SRP54: variants seen among roughly 807,000 people sequenced by gnomAD.
The protein encoded by SRP54 is signal recognition particle 54.
A neutral mutation model predicts 64.8 loss-of-function variants in SRP54; 10 were observed. That is an observed-to-expected ratio of 0.15 (90% CI 0.10 to 0.26). The LOEUF is 0.26. Ranked by LOEUF, SRP54 falls within the 10% of genes least tolerant of loss-of-function variation. The pLI, the probability that SRP54 is intolerant of heterozygous loss-of-function variation, is 1.00. For missense variants in SRP54, 325 were observed against 613.7 expected, an observed-to-expected ratio of 0.53 and a Z score of 4.97; for synonymous variants, 193 against 185.6, an observed-to-expected ratio of 1.04 and a Z score of -0.32.
intron 1 of SRP54, among the ~76,000 whole-genome samples, chr14:34,985,919 T>A (rs1270670713): frequency 1.3e-5 from 2 of 152,198 alleles, no homozygotes; most frequent in Non-Finnish European, 2.9e-5. Context: ...ATGCCTCTTA[T>A]CCCTCCTTTT....
chr14:34,997,532 T>G (rs1253464965), intron 2 of SRP54, among the ~76,000 whole-genome samples: 3 of 152,194 alleles, frequency 2.0e-5, no homozygotes, highest in Non-Finnish European at 4.4e-5. Context: ...AACCTTAGAT[T>G]CCTTAGTGTA....
chr14:35,009,585 T>C (rs946254601), intron 7 of SRP54, among the ~76,000 whole-genome samples: 1 of 152,106 alleles, frequency 6.6e-6, no homozygotes, highest in Non-Finnish European at 1.5e-5. Context: ...GATTAAACTT[T>C]TATGGAAGAG....
At chr14:35,016,848 TTTTTTTTTTTTTC>T (rs1566653940) in intron 11 of SRP54, among the ~76,000 whole-genome samples, 1 of 140,776 alleles carries the variant, frequency 7.1e-6, no homozygotes, top group Non-Finnish European at 1.6e-5. Context: ...TTCTTTTCTT[TTTTTTTTTTTTTC>T]TTCTTTTTTT....
intron 14 of SRP54, among the ~76,000 whole-genome samples, chr14:35,026,818 C>T (rs138044567): frequency 0.022 from 3,296 of 152,140 alleles, 42 homozygotes; most frequent in South Asian, 0.035. Context: ...TGGCTCATGC[C>T]TGTAATCCCA....
At chr14:35,002,266 A>G (rs893777304) in intron 4 of SRP54, among the ~76,000 whole-genome samples, 57 of 151,912 alleles carry the variant, frequency 3.8e-4, no homozygotes, top group African/African-American at 1.4e-3. Flanking sequence ...AGGCAGGAGT[A>G]TTGCTTGAGC....
chr14:35,029,448 T>G lies in SRP54; in HGVS notation c.*296T>G. The G allele has an allele frequency of 4.1e-6, 1 of 246,556 alleles. No homozygotes were observed. Among genetic ancestry groups the G allele is most frequent in the Non-Finnish European group, 7.8e-6 (1 of 127,730 alleles). 15.3% of individuals were successfully genotyped at this position (246,556 alleles called of 1,614,324 possible). A position where few individuals can be genotyped will look rare whatever the true frequency, so the allele number is the denominator to read the frequency against. On this transcript the variant is annotated 3_prime_UTR_variant, in exon 16 of 16. Transcript: ENST00000216774. The stretch of plus-strand genomic sequence containing the variant: ...AAATCATGATGTAAAATTTTAGTAC[T>G]TAAAGGTTTTTAATTATCTCGAAGG...
intron 1 of SRP54, among the ~76,000 whole-genome samples, chr14:34,995,551 A>G (rs2044059200): frequency 6.6e-6 from 1 of 152,180 alleles, no homozygotes; most frequent in Admixed American, 6.5e-5. Context: ...GGCAGGGACT[A>G]CAAATCATAT....
rs146817837 is a variant in SRP54 at position 34,985,537 on chromosome 14, A to G, written c.-34+2322A>G. The stretch of plus-strand genomic sequence containing the variant: ...TAGTTCAAGGCCACATCTTGTCTCA[A>G]CTAGCCTTATGGAGTATGGGTAGTG... On this transcript the variant is annotated intron_variant, in intron 1 of 15. Coordinates refer to ENST00000216774, the MANE Select transcript of SRP54 (RefSeq NM_003136.4). Among the ~76,000 whole-genome samples the G allele has an allele frequency of 2.2e-3, 332 of 152,292 alleles. 1 individual carries two copies. Among genetic ancestry groups the G allele is most frequent in the African/African-American group, 7.3e-3 (302 of 41,566 alleles).
At chr14:34,996,262 G>T (rs1327228938) in intron 1 of SRP54, among the ~76,000 whole-genome samples, 1 of 151,902 alleles carries the variant, frequency 6.6e-6, no homozygotes, top group African/African-American at 2.4e-5. Context: ...AAAATAGTTT[G>T]CAGAGTCCTT....
Position 34,996,756 on chromosome 14 carries a change from C to G in SRP54, c.47C>G (p.Ser16Trp). 6.2e-7 allele frequency: 1 copy of G among 1,613,010 alleles called. No homozygotes were observed. Among genetic ancestry groups the G allele is most frequent in the Non-Finnish European group, 8.5e-7 (1 of 1,179,166 alleles). Reference sequence around the variant, plus strand: ...AGAAAAATAACATCAGCATTACGCTCGTTGAGCAATGCCACCATTATCAAT... The same window carrying G: ...AGAAAAATAACATCAGCATTACGCTGGTTGAGCAATGCCACCATTATCAAT... ...LGRKITSALR[S>W]LSNATIINEE... The change falls in exon 2 of 16, where the codon TCG (serine) becomes TGG (tryptophan). Residue 16 changes from serine to tryptophan, a missense_variant. Coordinates refer to ENST00000216774, the MANE Select transcript of SRP54 (RefSeq NM_003136.4).
chr14:34,987,242 A>ATATAT (rs1385986595), intron 1 of SRP54, among the ~76,000 whole-genome samples: 7 of 66,244 alleles, frequency 1.1e-4, no homozygotes, highest in African/African-American at 3.1e-4. Flanking sequence ...AAAAAAAAAA[A>ATATAT]AAAAATATAT....
At chr14:35,000,755 A>C (rs944151535) in intron 3 of SRP54, among the ~76,000 whole-genome samples, 181 bp from the exon 4 acceptor site, 1 of 152,176 alleles carries the variant, frequency 6.6e-6, no homozygotes, top group Non-Finnish European at 1.5e-5. Context: ...CTAATACTTC[A>C]TGGGAAAACT....
chr14:35,018,713 T>C lies in SRP54; in HGVS notation c.995T>C (p.Met332Thr), dbSNP rs1273302039. 1 of 1,613,618 alleles carries C rather than the reference T, an allele frequency of 6.2e-7. No homozygotes were observed. Among genetic ancestry groups the C allele is most frequent in the South Asian group, 1.1e-5 (1 of 90,916 alleles). The change falls in exon 12 of 16, where the codon ATG (methionine) becomes ACG (threonine). Residue 332 changes from methionine to threonine, a missense_variant. Physicochemically the swap from Met to Thr is moderately conservative, Grantham distance 81. Transcript: ENST00000216774. ...TCAGGTCAGTTTACGTTGCGAGACATGTATGAGCAATTTCAAAATATCATG... is the reference window on the plus strand; with the variant it reads ...TCAGGTCAGTTTACGTTGCGAGACACGTATGAGCAATTTCAAAATATCATG... ...LKHGQFTLRD[M>T]YEQFQNIMKM...
chr14:35,001,129 C>T, intron 4 of SRP54, 109 bp downstream of exon 4: 1 of 344,752 alleles, frequency 2.9e-6, no homozygotes, highest in South Asian at 8.7e-5. Flanking sequence ...GAATATTCAT[C>T]TGTATTAAAA....
chr14:35,000,945 T>G lies in SRP54; in HGVS notation c.180T>G (p.Ile60Met). Residue 60 changes from isoleucine to methionine, a missense_variant, in exon 4 of 16, where the codon ATT (isoleucine) becomes ATG (methionine). Ile to Met is a conservative substitution (Grantham distance 10, BLOSUM62 1). This residue lies in a region of SRP54 where 156 missense variants were observed against 254.6 expected (regional missense o/e 0.61). Transcript: ENST00000216774. ...KQLRENVKSAIDLEEMASGLN... is the reference protein window; with the variant it reads ...KQLRENVKSAMDLEEMASGLN... Reference sequence around the variant, plus strand: ...AACCACCATCATAAAGGTCTGCTATTGATCTTGAAGAGATGGCATCTGGTC... The same window carrying G: ...AACCACCATCATAAAGGTCTGCTATGGATCTTGAAGAGATGGCATCTGGTC... 3 of 1,582,150 alleles carry G rather than the reference T, an allele frequency of 1.9e-6. No individual in the cohort carries two copies. The highest frequency in any genetic ancestry group is 1.7e-6 in the Non-Finnish European group (2 of 1,165,924).
intron 1 of SRP54, chr14:34,993,109 CT>C (rs1555353102): frequency 6.6e-6 from 1 of 152,218 alleles, no homozygotes; most frequent in Non-Finnish European, 1.5e-5. Context: ...ATCTGCCTGC[CT>C]TGGCCTCCCA....
intron 3 of SRP54, 31 bp downstream of exon 3, chr14:34,999,680 C>G (rs34028491): frequency 0.011 from 16,871 of 1,504,952 alleles, 186 homozygotes; most frequent in Non-Finnish European, 0.012. Flanking sequence ...AAAACACAGG[C>G]ACAGTTTAGT....
At position 35,018,715 on chromosome 14, in the gene SRP54, T is replaced by C. The variant is rs2044479968; in HGVS notation, c.997T>C (p.Tyr333His). 6.2e-7 allele frequency: 1 copy of C among 1,613,518 alleles called. No individual in the cohort carries two copies. Among genetic ancestry groups the C allele is most frequent in the African/African-American group, 1.3e-5 (1 of 74,920 alleles). ...KHGQFTLRDM[Y>H]EQFQNIMKMG... ...AGGTCAGTTTACGTTGCGAGACATG[T>C]ATGAGCAATTTCAAAATATCATGAA... is the stretch of plus-strand genomic sequence containing the variant. Residue 333 changes from tyrosine to histidine, a missense_variant, in exon 12 of 16, where the codon TAT becomes CAT. Tyr to His is a moderately conservative substitution (Grantham distance 83). Transcript: ENST00000216774.
In SRP54 at chr14:35,023,070, A is replaced by G. The variant is rs1166626230; in HGVS notation, c.1317A>G (p.Gly439=). The G allele has an allele frequency of 1.2e-6, 2 of 1,604,538 alleles. No individual in the cohort carries two copies. Among genetic ancestry groups the G allele is most frequent in the Non-Finnish European group, 1.7e-6 (2 of 1,175,118 alleles). Residue 439 remains glycine (G), a synonymous_variant, in exon 14 of 16, where the codon GGA becomes GGG. Coordinates refer to ENST00000216774, the MANE Select transcript of SRP54 (RefSeq NM_003136.4). Reference sequence around the variant, plus strand: ...TAAAAAAGATGGGAGGTATCAAAGGACTTTTCAAAGGTAAGAAAAATAAGC... The same window carrying G: ...TAAAAAAGATGGGAGGTATCAAAGGGCTTTTCAAAGGTAAGAAAAATAAGC... The part of the protein sequence containing the change: ...QMVKKMGGIK[G]LFKGGDMSKN...
Sources: gnomAD v4.1 joint callset for allele counts (sites outside exome capture counted in the v4.1 genomes callset) on GRCh38, gnomAD v4.1.1 for gene constraint, gnomAD v4.1.1 regional missense constraint, MANE v1.5 for transcripts, NCBI Gene and HGNC (gene_info 2026-07-23, HGNC 2026-07-21) for gene names.